LYPLAL1: variants seen among roughly 807,000 people sequenced by gnomAD.
The protein encoded by LYPLAL1 is lysophospholipase like 1, also known as lysophospholipase-like protein 1.
A neutral mutation model predicts 19.7 loss-of-function variants in LYPLAL1; 23 were observed. That is an observed-to-expected ratio of 1.17 (90% CI 0.84 to 1.65). LYPLAL1 has a LOEUF of 1.65. Among genes scored for constraint, LYPLAL1 ranks in the 40% most tolerant of loss-of-function variants. The probability of loss-of-function intolerance (pLI) is 0.00; values close to 1 mark genes in which losing one functional copy is unlikely to be tolerated. For synonymous variants in LYPLAL1, 119 were observed against 96.3 expected (o/e 1.24, Z -1.38); for missense variants, 355 against 279.4 (o/e 1.27, Z -1.93).
chr1:219,324,142 G>A, the LYPLAL1 span, among the ~76,000 whole-genome samples: 1 of 152,190 alleles, frequency 6.6e-6, no homozygotes, highest in Non-Finnish European at 1.5e-5. Context: ...AAAACAGAAT[G>A]TGACCAGATG....
chr1:219,358,662 C>CGAT, the LYPLAL1 span, among the ~76,000 whole-genome samples: 12 of 152,128 alleles, frequency 7.9e-5, no homozygotes, highest in African/African-American at 2.9e-4. Flanking sequence ...AACTCATTCA[C>CGAT]TATCAGGAGA....
intron 2 of LYPLAL1, 29 bp from the exon 3 acceptor site, chr1:219,193,053 T>TG: frequency 7.3e-7 from 1 of 1,375,060 alleles, no homozygotes; most frequent in Non-Finnish European, 9.6e-7. Context: ...TCCTTTCTTT[T>TG]TTTTTGGGGG....
At chr1:219,243,990 A>G in the LYPLAL1 span, among the ~76,000 whole-genome samples, 1 of 152,014 alleles carries the variant, frequency 6.6e-6, no homozygotes, top group African/African-American at 2.4e-5. Flanking sequence ...AACAAATCCA[A>G]CAAAATGACC....
the LYPLAL1 span, among the ~76,000 whole-genome samples, chr1:219,418,846 A>G: frequency 6.6e-6 from 1 of 152,124 alleles, no homozygotes; most frequent in East Asian, 1.9e-4. Context: ...GGATCATTTT[A>G]TTATCTCTAA....
chr1:219,218,369 A>G, the LYPLAL1 span, among the ~76,000 whole-genome samples: 1 of 146,096 alleles, frequency 6.8e-6, no homozygotes, highest in Non-Finnish European at 1.5e-5. Context: ...CAAGTTACCA[A>G]CTATTTCAGG....
the LYPLAL1 span, among the ~76,000 whole-genome samples, chr1:219,416,925 G>C: frequency 6.6e-6 from 1 of 152,248 alleles, no homozygotes; most frequent in Non-Finnish European, 1.5e-5. Flanking sequence ...CAATTAGCCT[G>C]GGCTTATGGA....
the LYPLAL1 span, among the ~76,000 whole-genome samples, chr1:219,329,027 T>C: frequency 6.6e-6 from 1 of 152,180 alleles, no homozygotes; most frequent in East Asian, 1.9e-4. Context: ...GCAGAAGTTA[T>C]TTGGTAAATT....
chr1:219,236,716 A>G, the LYPLAL1 span, among the ~76,000 whole-genome samples: 1 of 152,176 alleles, frequency 6.6e-6, no homozygotes, highest in Non-Finnish European at 1.5e-5. Context: ...TGAATTTTAA[A>G]AACAGTGAAA....
At chr1:219,374,085 T>C in the LYPLAL1 span, among the ~76,000 whole-genome samples, 3 of 151,742 alleles carry the variant, frequency 2.0e-5, no homozygotes, top group Non-Finnish European at 4.4e-5. Flanking sequence ...TACTCAAATA[T>C]AACATTGGTT....
chr1:219,224,465 T>C, the LYPLAL1 span, among the ~76,000 whole-genome samples: 3 of 152,152 alleles, frequency 2.0e-5, no homozygotes, highest in Admixed American at 2.0e-4. Flanking sequence ...AAAGAACTTT[T>C]ATTACTGGAG....
the LYPLAL1 span, among the ~76,000 whole-genome samples, chr1:219,314,645 C>T: frequency 5.3e-5 from 8 of 152,064 alleles, no homozygotes; most frequent in Admixed American, 1.3e-4. Context: ...GGGGTTTCAC[C>T]GTGGTCTCGA....
At chr1:219,255,337 A>G in the LYPLAL1 span, among the ~76,000 whole-genome samples, 1 of 151,882 alleles carries the variant, frequency 6.6e-6, no homozygotes, top group African/African-American at 2.4e-5. Context: ...ATCTTTCATT[A>G]TATTAATTCA....
At chr1:219,269,862 G>GTT in the LYPLAL1 span, among the ~76,000 whole-genome samples, 2 of 152,034 alleles carry the variant, frequency 1.3e-5, no homozygotes, top group Non-Finnish European at 2.9e-5. Flanking sequence ...GCCATTTTAC[G>GTT]TTGAAGAATG....
At chr1:219,439,727 G>A in the LYPLAL1 span, among the ~76,000 whole-genome samples, 4 of 152,000 alleles carry the variant, frequency 2.6e-5, no homozygotes, top group African/African-American at 9.7e-5. Flanking sequence ...GATATATACT[G>A]TTTGCAGAGC....
At chr1:219,217,435 G>A (rs1263051636), downstream of LYPLAL1, among the ~76,000 whole-genome samples, 3 of 124,050 alleles carry the variant, frequency 2.4e-5, no homozygotes, top group East Asian at 5.4e-4. Context: ...CTTTCTTCAC[G>A]GACTGAGTTA....
intron 2 of LYPLAL1, among the ~76,000 whole-genome samples, chr1:219,185,128 G>A (rs1399817609): frequency 6.6e-6 from 1 of 151,702 alleles, no homozygotes; most frequent in African/African-American, 2.4e-5. Flanking sequence ...GGCCAGTTTT[G>A]ATAATTTGTA....
the LYPLAL1 span, among the ~76,000 whole-genome samples, chr1:219,307,339 A>T: frequency 6.6e-6 from 1 of 152,204 alleles, no homozygotes; most frequent in Admixed American, 6.5e-5. Flanking sequence ...GACATTAGCC[A>T]TGAATTGAAG....
intron 2 of LYPLAL1, among the ~76,000 whole-genome samples, chr1:219,192,212 T>C (rs958270693): frequency 9.2e-5 from 14 of 151,744 alleles, no homozygotes; most frequent in Admixed American, 4.6e-4. Context: ...AAAAGCATGT[T>C]CAGGTCTCAC....
the LYPLAL1 span, among the ~76,000 whole-genome samples, chr1:219,314,127 C>G: frequency 6.6e-6 from 1 of 152,210 alleles, no homozygotes; most frequent in East Asian, 1.9e-4. Flanking sequence ...CAGCCTCCAG[C>G]TCCAACCATG....
Sources: allele counts gnomAD v4.1 joint callset (sites outside exome capture counted in the v4.1 genomes callset), GRCh38; gene constraint gnomAD v4.1.1; transcripts MANE v1.5; gene names NCBI Gene and HGNC (gene_info 2026-07-23, HGNC 2026-07-21).